FAP: variants seen among roughly 807,000 people sequenced by gnomAD.
The protein encoded by FAP is prolyl endopeptidase FAP.
In FAP, 110 loss-of-function variants were observed where a neutral mutation model predicts 126.5. That is an observed-to-expected ratio of 0.87 (90% confidence interval 0.74 to 1.02). The LOEUF is 1.02. Among genes scored for constraint, FAP ranks in the 50% least tolerant of loss-of-function variants. The pLI is 0.00. For synonymous variants in FAP, 334 were observed against 297.3 expected (o/e 1.12, Z -1.27); for missense variants, 919 against 909.2 (o/e 1.01, Z -0.14).
chr2:162,173,903 G>T, intron 22 of FAP, 116 bp from the exon 23 acceptor site: 2 of 745,688 alleles, frequency 2.7e-6, no homozygotes. Context: ...AGCTCTTGAG[G>T]TAAATTCTTG....
chr2:162,198,813 T>C lies in FAP; in HGVS notation c.1346A>G (p.Gln449Arg). 6.2e-7 allele frequency: 1 copy of C among 1,614,106 alleles called. No homozygotes were observed. ...VTCHLRKERC[Q>R]YYTASFSDYA... ...GTCGCTGAAACTTGCTGTGTAATAT[T>C]GGCACCTTTCTTTCCTTAGATGGCA... Residue 449 changes from glutamine to arginine, a missense_variant, in exon 16 of 26, where the codon CAA becomes CGA. By Grantham distance (43) the Gln-to-Arg change is conservative. Transcript: ENST00000188790.
In FAP at chr2:162,209,800, A is replaced by T. The variant is rs1688852820; in HGVS notation, c.1047+152T>A. ...CATTGAAATTGTCCGGCACAAAATC[A>T]CTCAAGAGATCACTACCTATGTGTT... On this transcript the variant is annotated intron_variant, in intron 12 of 25. Transcript: ENST00000188790. The T allele has an allele frequency of 3.5e-5, 21 of 608,138 alleles. No homozygotes were observed. In the South Asian group the frequency reaches 4.6e-4, roughly 13 times the overall value. The allele number at this position is 608,138 out of a possible 1,614,324, so 37.7% of individuals were successfully genotyped here.
intron 2 of FAP, among the ~76,000 whole-genome samples, chr2:162,226,902 G>A (rs1448241510): frequency 6.6e-6 from 1 of 152,182 alleles, no homozygotes; most frequent in Non-Finnish European, 1.5e-5. Flanking sequence ...AGGCCATGCA[G>A]AGTAGCTGGG....
At chr2:162,219,276 G>C in intron 7 of FAP, 93 bp from the exon 8 acceptor site, 1 of 1,194,594 alleles carries the variant, frequency 8.4e-7, no homozygotes, top group South Asian at 1.6e-5. Context: ...AAACAGAGTG[G>C]TAATAAAGAT....
intron 2 of FAP, 128 bp downstream of exon 2, chr2:162,242,780 C>T (rs1690403406): frequency 2.9e-6 from 2 of 682,736 alleles, no homozygotes; most frequent in Non-Finnish European, 5.1e-6. Flanking sequence ...GCTTATATGT[C>T]TTCTTAGAAA....
At chr2:162,235,944 T>G (rs1011863758) in intron 2 of FAP, among the ~76,000 whole-genome samples, 2 of 151,346 alleles carry the variant, frequency 1.3e-5, no homozygotes, top group African/African-American at 4.9e-5. Context: ...TTAACTATGG[T>G]TTTTTTTTGT....
rs975074345 is a variant in FAP at position 162,194,722 on chromosome 2, G to A, written c.1429C>T (p.His477Tyr). ...GTACCTTGATCAGTGCGTCCATCAT[G>A]AAGGGTGGAAATGGGGATGCCTGGG... Reference protein sequence around the residue: ...YGPGIPISTLHDGRTDQEIKI... With the variant: ...YGPGIPISTLYDGRTDQEIKI... Residue 477 changes from histidine (H) to tyrosine (Y), a missense_variant, in exon 17 of 26, where the codon CAT becomes TAT. Coordinates refer to ENST00000188790, the MANE Select transcript of FAP (RefSeq NM_004460.5). 1 of 1,613,548 alleles carries A rather than the reference G, an allele frequency of 6.2e-7. No homozygotes were observed. Among genetic ancestry groups the A allele is most frequent in the Non-Finnish European group, 8.5e-7 (1 of 1,179,702 alleles).
intron 4 of FAP, 89 bp downstream of exon 4, chr2:162,225,394 G>A: frequency 6.6e-7 from 1 of 1,509,246 alleles, no homozygotes; most frequent in South Asian, 1.2e-5. Context: ...GTTGTGTCCA[G>A]ATCAGGTGCT....
At chr2:162,193,471 AC>A (rs1688128995) in intron 17 of FAP, 2 of 152,222 alleles carry the variant, frequency 1.3e-5, no homozygotes, top group African/African-American at 4.8e-5. Flanking sequence ...CAGGAATCTA[AC>A]AAGGATCTCA....
At chr2:162,238,548 T>C (rs1163939177) in intron 2 of FAP, among the ~76,000 whole-genome samples, 1 of 152,084 alleles carries the variant, frequency 6.6e-6, no homozygotes, top group Admixed American at 6.6e-5. Context: ...GATTTCTTTA[T>C]CTTGACTAAA....
At position 162,222,049 on chromosome 2, in the gene FAP, G is replaced by A. The variant is rs1689426841; in HGVS notation, c.413+1559C>T. On this transcript the variant is annotated intron_variant, in intron 6 of 25. Coordinates refer to ENST00000188790, the MANE Select transcript of FAP (RefSeq NM_004460.5). ...GTGATTTGATTAAATTCACTGCAGA[G>A]AATCTAAATGTTTAATGTGATTTTA... Among the ~76,000 whole-genome samples, 3 of 151,736 alleles carry A rather than the reference G, an allele frequency of 2.0e-5. No individual in the cohort carries two copies. In the South Asian group the frequency reaches 6.2e-4, roughly 32 times the overall value.
intron 4 of FAP, 32 bp from the exon 5 acceptor site, chr2:162,224,572 G>A (rs772224049): frequency 7.5e-7 from 1 of 1,335,420 alleles, no homozygotes; most frequent in East Asian, 2.4e-5. Flanking sequence ...TTAGAATACA[G>A]AAAAGATAAC....
intron 2 of FAP, among the ~76,000 whole-genome samples, chr2:162,230,558 G>A (rs1689858371): frequency 1.3e-5 from 2 of 150,722 alleles, no homozygotes; most frequent in South Asian, 2.1e-4. Flanking sequence ...GACAGATTTT[G>A]TGTTCGCTTG....
intron 11 of FAP, among the ~76,000 whole-genome samples, chr2:162,211,657 A>C (rs950654395): frequency 1.3e-5 from 2 of 152,222 alleles, no homozygotes; most frequent in Non-Finnish European, 2.9e-5. Context: ...CTCGGAAAAA[A>C]TAGTGAAATT....
intron 21 of FAP, 137 bp from the exon 22 acceptor site, chr2:162,175,103 T>G (rs1687438459): frequency 3.4e-6 from 2 of 587,750 alleles, no homozygotes; most frequent in Admixed American, 3.1e-5. Flanking sequence ...ATGTCTATCT[T>G]GCATCCTCGG....
intron 3 of FAP, 96 bp from the exon 4 acceptor site, chr2:162,225,673 G>A: frequency 1.6e-6 from 2 of 1,285,792 alleles, no homozygotes; most frequent in South Asian, 1.5e-5. Flanking sequence ...GACCTACTTT[G>A]TTTTTCCTCT....
intron 11 of FAP, among the ~76,000 whole-genome samples, chr2:162,213,688 A>G (rs1045915240): frequency 1.3e-5 from 2 of 152,090 alleles, no homozygotes; most frequent in African/African-American, 2.4e-5. Flanking sequence ...GATTTTCCCA[A>G]TGTCATGTTG....
chr2:162,225,732 T>A (rs2106286593), intron 3 of FAP, among the ~76,000 whole-genome samples, 155 bp from the exon 4 acceptor site: 1 of 152,238 alleles, frequency 6.6e-6, no homozygotes, highest in Non-Finnish European at 1.5e-5. Flanking sequence ...AAGTTGGTGG[T>A]AGAGGAAGAA....
intron 11 of FAP, among the ~76,000 whole-genome samples, chr2:162,210,268 C>G (rs564139666): frequency 1.3e-5 from 2 of 152,136 alleles, no homozygotes; most frequent in Admixed American, 6.5e-5. Flanking sequence ...TCTATGGAGG[C>G]CCAGCACAAT....
Sources: gnomAD v4.1 joint callset for allele counts (sites outside exome capture counted in the v4.1 genomes callset) on GRCh38, gnomAD v4.1.1 for gene constraint, MANE v1.5 for transcripts, NCBI Gene and HGNC (gene_info 2026-07-23, HGNC 2026-07-21) for gene names.